The following ARHGAP10 variants were observed in gnomAD, a reference collection of about 807,000 sequenced individuals.
The protein encoded by ARHGAP10 is rho GTPase-activating protein 10.
Under a neutral mutation model 108.6 loss-of-function variants are expected in ARHGAP10, and 87 were observed. The observed-to-expected ratio is 0.80, with a 90% CI of 0.67 to 0.96. ARHGAP10 has a LOEUF of 0.96. ARHGAP10 is among the 40% of genes least tolerant of loss of function. ARHGAP10 has a pLI of 0.00. For synonymous variants in ARHGAP10, 347 were observed against 341.1 expected (o/e 1.02, Z -0.19); for missense variants, 939 against 954.5 (o/e 0.98, Z 0.21).
intron 1 of ARHGAP10, among the ~76,000 whole-genome samples, chr4:147,750,832 A>C (rs896613931): frequency 6.6e-6 from 1 of 151,568 alleles, no homozygotes; most frequent in African/African-American, 2.4e-5. Context: ...CAAACTCCTG[A>C]CCTCGTGATC....
intron 3 of ARHGAP10, among the ~76,000 whole-genome samples, chr4:147,841,506 T>G (rs1396914004): frequency 6.6e-6 from 1 of 152,218 alleles, no homozygotes; most frequent in Non-Finnish European, 1.5e-5. Context: ...GATTTGGTAT[T>G]CATTTGTTGC....
At position 148,039,872 on chromosome 4, in the gene ARHGAP10, TTGTTTCTGGGATC is replaced by T. The variant is rs1483033123; in HGVS notation, c.1868-7018_1868-7006del. Among the ~76,000 whole-genome samples, 12 of 152,302 alleles carry T rather than the reference TTGTTTCTGGGATC, an allele frequency of 7.9e-5. No individual in the cohort carries two copies. In the East Asian group the frequency reaches 1.2e-3, roughly 15 times the overall value. On this transcript the variant is annotated intron_variant, in intron 19 of 22. Coordinates refer to ENST00000336498, the MANE Select transcript of ARHGAP10 (RefSeq NM_024605.4). ...TATTTAAATATTTCCTCCTCTGAAT[TTGTTTCTGGGATC>T]TAGATTCTGGCAATTTCACTTCTAT...
In ARHGAP10 at chr4:147,878,186, C is replaced by T. The variant is rs941399247; in HGVS notation, c.833-1046C>T. 2.0e-5 allele frequency among the ~76,000 whole-genome samples: 3 copies of T among 152,112 alleles called. No individual in the cohort carries two copies. The East Asian group carries it at 5.8e-4, about 29-fold the overall frequency. On this transcript the variant is annotated intron_variant, in intron 8 of 22. Coordinates refer to ENST00000336498, the MANE Select transcript of ARHGAP10 (RefSeq NM_024605.4). The stretch of plus-strand genomic sequence containing the variant: ...TCTCAGCTCACTGCAACCTCTGCCT[C>T]CTGGGTTCAGCCTATTCACCTGCCT...
At chr4:147,986,198 C>T (rs768661814) in intron 18 of ARHGAP10, among the ~76,000 whole-genome samples, 7 of 152,124 alleles carry the variant, frequency 4.6e-5, no homozygotes, top group Non-Finnish European at 7.3e-5. Flanking sequence ...ATAAGAAAAA[C>T]GGAACTACCT....
chr4:147,948,683 G>A (rs901924523), intron 15 of ARHGAP10, among the ~76,000 whole-genome samples: 5 of 152,038 alleles, frequency 3.3e-5, no homozygotes, highest in African/African-American at 7.2e-5. Flanking sequence ...TAGGCCGGGC[G>A]CGGTGGCTCA....
intron 1 of ARHGAP10, among the ~76,000 whole-genome samples, chr4:147,755,431 G>T (rs552035527): frequency 2.0e-5 from 3 of 152,198 alleles, no homozygotes; most frequent in African/African-American, 7.2e-5. Context: ...GCTGAGGCAG[G>T]AGAATCGCTT....
intron 20 of ARHGAP10, among the ~76,000 whole-genome samples, chr4:148,053,528 T>C (rs1486543317): frequency 6.6e-6 from 1 of 152,226 alleles, no homozygotes; most frequent in Non-Finnish European, 1.5e-5. Flanking sequence ...CTTGGAAATT[T>C]GATCTATGCA....
chr4:148,045,552 A>G (rs1368295547), intron 19 of ARHGAP10, among the ~76,000 whole-genome samples: 3 of 151,982 alleles, frequency 2.0e-5, no homozygotes, highest in Non-Finnish European at 4.4e-5. Flanking sequence ...GACCAGCCTT[A>G]ACATGAAGAA....
At chr4:148,039,971 G>A (rs1429056350) in intron 19 of ARHGAP10, among the ~76,000 whole-genome samples, 2 of 152,122 alleles carry the variant, frequency 1.3e-5, no homozygotes, top group African/African-American at 4.8e-5. Flanking sequence ...TGCTGTCTTA[G>A]TTTTCTGTTT....
chr4:147,786,583 T>C (rs1730902294), intron 1 of ARHGAP10, among the ~76,000 whole-genome samples: 1 of 152,074 alleles, frequency 6.6e-6, no homozygotes. Context: ...TGTACAGCAG[T>C]AGGAAAAAAG....
intron 1 of ARHGAP10, among the ~76,000 whole-genome samples, chr4:147,778,899 T>G (rs1176323727): frequency 2.6e-5 from 4 of 152,028 alleles, no homozygotes; most frequent in African/African-American, 7.3e-5. Flanking sequence ...ACTTAAACTT[T>G]AATTTGAAGG....
At chr4:147,974,983 C>T (rs527303692) in intron 18 of ARHGAP10, among the ~76,000 whole-genome samples, 1 of 152,302 alleles carries the variant, frequency 6.6e-6, no homozygotes, top group East Asian at 1.9e-4. Context: ...GTCCCTCCCA[C>T]AACATGTGGG....
intron 1 of ARHGAP10, among the ~76,000 whole-genome samples, chr4:147,756,015 C>T (rs143120025): frequency 8.2e-4 from 123 of 150,638 alleles, no homozygotes; most frequent in African/African-American, 2.9e-3. Context: ...CATAATAAGT[C>T]AATAGTAGGT....
intron 7 of ARHGAP10, among the ~76,000 whole-genome samples, chr4:147,874,038 A>C (rs575089845): frequency 6.6e-6 from 1 of 151,512 alleles, no homozygotes; most frequent in South Asian, 2.1e-4. Context: ...AAAAAAAACA[A>C]CAAACCTCTG....
chr4:147,777,019 A>C (rs1730323195), intron 1 of ARHGAP10, among the ~76,000 whole-genome samples: 1 of 152,174 alleles, frequency 6.6e-6, no homozygotes, highest in Non-Finnish European at 1.5e-5. Context: ...GATCTGAGCA[A>C]CCTATGACTG....
intron 18 of ARHGAP10, among the ~76,000 whole-genome samples, chr4:148,003,147 T>C (rs961364943): frequency 6.6e-6 from 1 of 152,250 alleles, no homozygotes; most frequent in African/African-American, 2.4e-5. Context: ...AGACCATGTT[T>C]ATTTCTGCCT....
chr4:147,866,889 C>T, intron 7 of ARHGAP10, 73 bp downstream of exon 7: 1 of 1,290,404 alleles, frequency 7.7e-7, no homozygotes, highest in East Asian at 2.4e-5. Flanking sequence ...GTATGAAAAG[C>T]CTTAATTAAA....
intron 18 of ARHGAP10, among the ~76,000 whole-genome samples, chr4:148,017,271 C>T (rs373913531): frequency 1.4e-3 from 209 of 152,160 alleles, no homozygotes; most frequent in African/African-American, 4.6e-3. Flanking sequence ...GGAGGTCTTA[C>T]GACCTAAAGT....
At chr4:148,026,384 A>G (rs554230732) in intron 19 of ARHGAP10, among the ~76,000 whole-genome samples, 16 of 152,274 alleles carry the variant, frequency 1.1e-4, no homozygotes, top group Non-Finnish European at 1.5e-5. Context: ...GCTGGGAGAC[A>G]TGTTTTCTGT....
Sources: allele counts gnomAD v4.1 joint callset (sites outside exome capture counted in the v4.1 genomes callset), GRCh38; gene constraint gnomAD v4.1.1; transcripts MANE v1.5; gene names NCBI Gene and HGNC (gene_info 2026-07-23, HGNC 2026-07-21).